NUBPL: variants seen among roughly 807,000 people sequenced by gnomAD.
NUBPL encodes NUBP iron-sulfur cluster assembly factor, mitochondrial.
NUBPL carries 31 observed loss-of-function variants against 45.7 expected under a neutral mutation model. The observed-to-expected ratio is 0.68, with a 90% CI of 0.51 to 0.92. The LOEUF (loss-of-function observed/expected upper bound fraction) is 0.92, where lower values mean the gene tolerates loss of function less well. Ranked by LOEUF, NUBPL falls within the 40% of genes least tolerant of loss-of-function variation. The pLI, the probability that NUBPL is intolerant of heterozygous loss-of-function variation, is 0.00. For missense variants in NUBPL, 401 were observed against 398.7 expected, an observed-to-expected ratio of 1.01 and a Z score of -0.05; for synonymous variants, 144 against 140.9, an observed-to-expected ratio of 1.02 and a Z score of -0.15.
intron 3 of NUBPL, chr14:31,578,004 G>C (rs751892371): frequency 1.1e-5 from 14 of 1,287,128 alleles, no homozygotes; most frequent in Non-Finnish European, 1.4e-5. Context: ...TGCCTGGCCC[G>C]TTGTTATGAA....
intron 6 of NUBPL, among the ~76,000 whole-genome samples, chr14:31,743,098 A>C (rs148440144): frequency 7.9e-4 from 121 of 152,230 alleles, no homozygotes; most frequent in African/African-American, 2.7e-3. Flanking sequence ...AACCTCAGTG[A>C]GATTTCCAGA....
At chr14:31,782,659 G>A (rs1232984977) in intron 6 of NUBPL, among the ~76,000 whole-genome samples, 1 of 151,878 alleles carries the variant, frequency 6.6e-6, no homozygotes, top group East Asian at 1.9e-4. Context: ...CAATTGTGAT[G>A]GCGGGCACCT....
intron 2 of NUBPL, among the ~76,000 whole-genome samples, chr14:31,563,533 GCT>G (rs2139440934): frequency 6.6e-6 from 1 of 152,216 alleles, no homozygotes; most frequent in African/African-American, 2.4e-5. Flanking sequence ...TTTCATAACA[GCT>G]CTGTGAGCAT....
At chr14:31,788,085 G>A (rs548265207) in intron 7 of NUBPL, among the ~76,000 whole-genome samples, 5 of 152,326 alleles carry the variant, frequency 3.3e-5, no homozygotes, top group Admixed American at 1.3e-4. Context: ...ACTAGGAAGA[G>A]TGAAGTCTGT....
chr14:31,800,923 T>G (rs36095275), intron 7 of NUBPL: 1 of 152,142 alleles, frequency 6.6e-6, no homozygotes, highest in Non-Finnish European at 1.5e-5. Flanking sequence ...TAAAATGAAT[T>G]AATAAAACAA....
chr14:31,632,372 C>T (rs10139371), intron 4 of NUBPL, among the ~76,000 whole-genome samples: 5,472 of 152,202 alleles, frequency 0.036, 128 homozygotes, highest in African/African-American at 0.076. Context: ...GAGAGGAAGC[C>T]AGGAAATTAA....
intron 4 of NUBPL, among the ~76,000 whole-genome samples, chr14:31,666,510 G>T (rs1043071525): frequency 6.6e-6 from 1 of 151,824 alleles, no homozygotes; most frequent in Non-Finnish European, 1.5e-5. Flanking sequence ...TGATCTGCTC[G>T]CCTCGGCCTC....
chr14:31,590,793 A>G (rs2034121379), intron 3 of NUBPL, among the ~76,000 whole-genome samples: 1 of 152,176 alleles, frequency 6.6e-6, no homozygotes, highest in Non-Finnish European at 1.5e-5. Flanking sequence ...GCATTTTTAT[A>G]AGCACTACAT....
intron 6 of NUBPL, among the ~76,000 whole-genome samples, chr14:31,678,388 G>C (rs1279063917): frequency 6.6e-6 from 1 of 152,146 alleles, no homozygotes; most frequent in Non-Finnish European, 1.5e-5. Context: ...ACCACAGCAG[G>C]GAATGTGCTG....
At position 31,687,112 on chromosome 14, in the gene NUBPL, CA is replaced by C. The variant is rs375777425; in HGVS notation, c.513+13548del. ...TGGGCAACAGAGTGAGACCCTGTTT[CA>C]AAAAAAAAATTCATTGTGTATCTCA... On this transcript the variant is annotated intron_variant, in intron 6 of 10. Coordinates refer to ENST00000281081, the MANE Select transcript of NUBPL (RefSeq NM_025152.3). Among the ~76,000 whole-genome samples, 1,017 of 149,240 alleles carry C rather than the reference CA, an allele frequency of 6.8e-3. 14 individuals are homozygous for C. Among genetic ancestry groups the C allele is most frequent in the African/African-American group, 0.023 (940 of 40,854 alleles).
chr14:31,821,500 C>T (rs1427154056), intron 7 of NUBPL, among the ~76,000 whole-genome samples: 1 of 152,162 alleles, frequency 6.6e-6, no homozygotes, highest in Non-Finnish European at 1.5e-5. Flanking sequence ...TCATCTCACC[C>T]CAGTTAAAAT....
intron 3 of NUBPL, among the ~76,000 whole-genome samples, chr14:31,597,104 C>G (rs2034304291): frequency 6.6e-6 from 1 of 152,150 alleles, no homozygotes; most frequent in Non-Finnish European, 1.5e-5. Flanking sequence ...TCTCTTTCCT[C>G]TCTTTCTCTT....
chr14:31,850,415 A>G (rs1056060271), intron 10 of NUBPL, among the ~76,000 whole-genome samples: 1 of 152,186 alleles, frequency 6.6e-6, no homozygotes, highest in Non-Finnish European at 1.5e-5. Flanking sequence ...TTACCTACAG[A>G]GAATCATCAC....
At chr14:31,803,800 T>A (rs2039635878) in intron 7 of NUBPL, among the ~76,000 whole-genome samples, 1 of 152,250 alleles carries the variant, frequency 6.6e-6, no homozygotes, top group African/African-American at 2.4e-5. Context: ...GGGTTTCATC[T>A]TTTAAGACAT....
intron 4 of NUBPL, among the ~76,000 whole-genome samples, chr14:31,639,194 AT>A (rs1376905678): frequency 6.6e-6 from 1 of 151,626 alleles, no homozygotes; most frequent in Non-Finnish European, 1.5e-5. Context: ...TTTCTGCTCC[AT>A]TTTTTCCCCA....
At chr14:31,639,298 A>G (rs902747703) in intron 4 of NUBPL, among the ~76,000 whole-genome samples, 1 of 152,074 alleles carries the variant, frequency 6.6e-6, no homozygotes, top group African/African-American at 2.4e-5. Context: ...TTTCCTTCTA[A>G]CAGACAGGAC....
chr14:31,683,015 T>C (rs956606680), intron 6 of NUBPL, among the ~76,000 whole-genome samples: 6 of 56,312 alleles, frequency 1.1e-4, no homozygotes, highest in African/African-American at 5.5e-4. Context: ...AGGTGCTAGG[T>C]TCCTTTTTTT....
chr14:31,809,644 C>T (rs1489377837), intron 7 of NUBPL, among the ~76,000 whole-genome samples: 1 of 152,124 alleles, frequency 6.6e-6, no homozygotes, highest in Non-Finnish European at 1.5e-5. Context: ...TTAGTTATTT[C>T]TTGCCTTCTG....
chr14:31,670,843 G>A (rs1167422211), intron 4 of NUBPL, among the ~76,000 whole-genome samples: 1 of 152,040 alleles, frequency 6.6e-6, no homozygotes, highest in Non-Finnish European at 1.5e-5. Context: ...GCCTGTTTTT[G>A]TACCAGTACC....
Sources: allele counts gnomAD v4.1 joint callset (sites outside exome capture counted in the v4.1 genomes callset), GRCh38; gene constraint gnomAD v4.1.1; transcripts MANE v1.5; gene names NCBI Gene and HGNC (gene_info 2026-07-23, HGNC 2026-07-21).